The following FGF14 variants were observed in gnomAD, a reference collection of about 807,000 sequenced individuals.
The protein encoded by FGF14 is fibroblast growth factor 14.
Under a neutral mutation model 25.5 loss-of-function variants are expected in FGF14, and 5 were observed. The observed-to-expected ratio is 0.20, with a 90% confidence interval of 0.10 to 0.41. The LOEUF (loss-of-function observed/expected upper bound fraction) is 0.41, where lower values mean the gene tolerates loss of function less well. FGF14 is among the 10% of genes least tolerant of loss of function. The pLI, the probability that FGF14 is intolerant of heterozygous loss-of-function variation, is 1.00. For synonymous variants in FGF14, 138 were observed against 118.3 expected (o/e 1.17, Z -1.08); for missense variants, 222 against 320.1 (o/e 0.69, Z 2.34).
At chr13:102,106,790 A>G (rs12866651) in intron 1 of FGF14, among the ~76,000 whole-genome samples, 59,311 of 152,128 alleles carry the variant, frequency 0.39, 13,752 homozygotes, top group Non-Finnish European at 0.52. Flanking sequence ...ATATGCTTAC[A>G]TGCTTTCCTG....
intron 1 of FGF14, among the ~76,000 whole-genome samples, chr13:102,080,450 C>T (rs1325106450): frequency 6.6e-6 from 1 of 152,170 alleles, no homozygotes; most frequent in Non-Finnish European, 1.5e-5. Flanking sequence ...TGGGGCCATC[C>T]TCAATTCCTC....
At chr13:101,881,159 G>GT (rs1281693271) in intron 1 of FGF14, among the ~76,000 whole-genome samples, 1 of 152,166 alleles carries the variant, frequency 6.6e-6, no homozygotes, top group Admixed American at 6.5e-5. Context: ...CTTAACAGGA[G>GT]TATCTTGGGA....
intron 1 of FGF14, among the ~76,000 whole-genome samples, chr13:101,905,514 G>A (rs906625727): frequency 1.3e-4 from 19 of 151,854 alleles, no homozygotes; most frequent in African/African-American, 3.4e-4. Context: ...AGAACACATG[G>A]ACATGGGGAG....
rs60775005 is a variant in FGF14, at chr13:102,096,001, G to GTATATATATATA, written c.209-220717_209-220706dup. Among the ~76,000 whole-genome samples the GTATATATATATA allele has an allele frequency of 5.3e-4, 71 of 135,048 alleles. No homozygotes were observed. In the Middle Eastern group the frequency reaches 0.016, roughly 30 times the overall value. The allele number at this position is 135,048 out of a possible 152,430, so 88.6% of individuals were successfully genotyped here. Reference sequence around the variant, plus strand: ...TTTGTGTGTGTGTGTGTGTGTGTGTGTATATATATATATATAATATATTTC... The same window carrying GTATATATATATA: ...TTTGTGTGTGTGTGTGTGTGTGTGTGTATATATATATATATATATATATATATAATATATTTC... On this transcript the variant is annotated intron_variant, in intron 1 of 4. Transcript: ENST00000376131.
intron 1 of FGF14, among the ~76,000 whole-genome samples, chr13:102,047,735 C>T (rs533248366): frequency 1.4e-4 from 22 of 152,012 alleles, no homozygotes; most frequent in South Asian, 1.0e-3. Context: ...TGCTAAATGA[C>T]GAGTTAATGG....
chr13:102,186,113 A>AT (rs1000286866), intron 1 of FGF14, among the ~76,000 whole-genome samples: 2 of 152,042 alleles, frequency 1.3e-5, no homozygotes, highest in African/African-American at 4.8e-5. Context: ...AGGTTAAAAA[A>AT]ATATATATAT....
At chr13:102,002,037 C>G (rs575397670) in intron 1 of FGF14, 2 of 152,252 alleles carry the variant, frequency 1.3e-5, no homozygotes, top group South Asian at 4.2e-4. Context: ...TTATTCCCAA[C>G]ACAGGAGGCT....
chr13:102,018,939 C>T (rs1298901450), intron 1 of FGF14, among the ~76,000 whole-genome samples: 1 of 152,066 alleles, frequency 6.6e-6, no homozygotes, highest in Non-Finnish European at 1.5e-5. Flanking sequence ...TTACAAATAC[C>T]CACAATGAGT....
At chr13:102,089,123 G>A (rs78971414) in intron 1 of FGF14, among the ~76,000 whole-genome samples, 3,923 of 152,198 alleles carry the variant, frequency 0.026, 196 homozygotes, top group African/African-American at 0.09. Context: ...CAGAGTGTAG[G>A]GAAAACTAAG....
At chr13:102,330,730 C>T (rs917927161) in intron 1 of FGF14, among the ~76,000 whole-genome samples, 2 of 152,118 alleles carry the variant, frequency 1.3e-5, no homozygotes, top group African/African-American at 2.4e-5. Context: ...AGCTCCACAC[C>T]CCTGATCATC....
At chr13:102,327,965 C>A (rs1343104662) in intron 1 of FGF14, among the ~76,000 whole-genome samples, 3 of 115,980 alleles carry the variant, frequency 2.6e-5, no homozygotes, top group Admixed American at 9.2e-5. Flanking sequence ...GATAAAAGAA[C>A]CTGGAAGGAT....
chr13:101,880,607 C>T (rs1301034441), intron 1 of FGF14, among the ~76,000 whole-genome samples: 1 of 151,990 alleles, frequency 6.6e-6, no homozygotes, highest in Non-Finnish European at 1.5e-5. Flanking sequence ...AATGAAAAAC[C>T]CAAACAGCTC....
chr13:102,057,259 C>A (rs762853550), intron 1 of FGF14, among the ~76,000 whole-genome samples: 1 of 152,042 alleles, frequency 6.6e-6, no homozygotes, highest in South Asian at 2.1e-4. Flanking sequence ...ACCTTTAGTA[C>A]TTTGCTAAAT....
chr13:102,177,541 C>T (rs1244825697), intron 1 of FGF14, among the ~76,000 whole-genome samples: 2 of 152,104 alleles, frequency 1.3e-5, no homozygotes, highest in Non-Finnish European at 2.9e-5. Flanking sequence ...TTCAGAAATA[C>T]CATTCCTTTT....
intron 1 of FGF14, among the ~76,000 whole-genome samples, chr13:102,136,073 TATC>T (rs2046396215): frequency 6.6e-6 from 1 of 152,220 alleles, no homozygotes; most frequent in African/African-American, 2.4e-5. Context: ...AGCAGTAATA[TATC>T]ATATTGTGAC....
Position 102,371,786 on chromosome 13 carries a change from T to G in FGF14, c.208+29685A>C, listed in dbSNP as rs146389147. ...ACAGAAAGGAGAATTCAGTGTGTTA[T>G]GGAGTAATTAGGAATTGCTACACTA... On this transcript the variant is annotated intron_variant, in intron 1 of 4. Transcript: ENST00000376131. Among the ~76,000 whole-genome samples, 1,360 of 152,330 alleles carry G rather than the reference T, an allele frequency of 8.9e-3. 9 individuals are homozygous for G. The highest frequency in any genetic ancestry group is 0.015 in the Non-Finnish European group (1,016 of 68,026).
chr13:102,236,504 C>T (rs1276753938), intron 1 of FGF14, among the ~76,000 whole-genome samples: 1 of 151,922 alleles, frequency 6.6e-6, no homozygotes, highest in East Asian at 2.0e-4. Flanking sequence ...ATTTGAAGAG[C>T]AAACGACTGG....
chr13:102,016,741 C>T (rs1450510623), intron 1 of FGF14, among the ~76,000 whole-genome samples: 1 of 152,122 alleles, frequency 6.6e-6, no homozygotes, highest in Non-Finnish European at 1.5e-5. Flanking sequence ...CTGCCTTGGC[C>T]TCCCAAATTG....
intron 3 of FGF14, among the ~76,000 whole-genome samples, chr13:101,771,210 C>T (rs957092201): frequency 6.6e-6 from 1 of 152,078 alleles, no homozygotes; most frequent in African/African-American, 2.4e-5. Context: ...GTTAGCTCCA[C>T]TTGGCACCGT....
Sources: gnomAD v4.1 joint callset for allele counts (sites outside exome capture counted in the v4.1 genomes callset) on GRCh38, gnomAD v4.1.1 for gene constraint, MANE v1.5 for transcripts, NCBI Gene and HGNC (gene_info 2026-07-23, HGNC 2026-07-21) for gene names.